EFHB: variants seen among roughly 807,000 people sequenced by gnomAD.
EFHB encodes EF-hand domain family member B, also known as EF-hand domain-containing family member B.
Under a neutral mutation model 87.2 loss-of-function variants are expected in EFHB, and 91 were observed. That is an observed-to-expected ratio of 1.04 (90% CI 0.88 to 1.24). The LOEUF is 1.24. Ranked by LOEUF, EFHB falls within the 50% of genes most tolerant of loss-of-function variation. The pLI is 0.00. For synonymous variants in EFHB, 325 were observed against 333.6 expected (o/e 0.97, Z 0.28); for missense variants, 1,084 against 998.8 (o/e 1.09, Z -1.15).
At chr3:19,942,556 T>A (rs1451595821) in intron 1 of EFHB, 2 of 152,294 alleles carry the variant, frequency 1.3e-5, no homozygotes, top group African/African-American at 4.8e-5. Context: ...CACATTACAT[T>A]TATTGTGCAC....
At chr3:19,930,753 C>A (rs1695800699) in intron 1 of EFHB, among the ~76,000 whole-genome samples, 1 of 152,144 alleles carries the variant, frequency 6.6e-6, no homozygotes, top group South Asian at 2.1e-4. Context: ...CAGGCACATA[C>A]TACCACACCT....
intron 12 of EFHB, among the ~76,000 whole-genome samples, chr3:19,881,951 C>A (rs1021477670): frequency 6.6e-6 from 1 of 151,620 alleles, no homozygotes; most frequent in East Asian, 1.9e-4. Context: ...GTTTTATAAC[C>A]CTAGCTTTAT....
intron 6 of EFHB, among the ~76,000 whole-genome samples, chr3:19,899,917 A>G (rs1407026241): frequency 6.6e-6 from 1 of 151,998 alleles, no homozygotes; most frequent in Non-Finnish European, 1.5e-5. Context: ...TTAAAAAAAT[A>G]CAAAAACTAG....
chr3:19,943,172 G>A, intron 1 of EFHB: 1 of 256,794 alleles, frequency 3.9e-6, no homozygotes, highest in South Asian at 5.5e-5. Flanking sequence ...CTGAGCAATT[G>A]TTCAGTATCA....
chr3:19,934,169 G>A lies in EFHB; in HGVS notation c.-151C>T, dbSNP rs1695941664. ...TCGGACTCCCTGTCCATTGCTTCCT[G>A]CCTGCCTCTTAACACCTAGCCGAGT... On this transcript the variant is annotated 5_prime_UTR_variant, in exon 1 of 13. Transcript: ENST00000295824. The A allele has an allele frequency of 6.9e-7, 1 of 1,442,776 alleles. No individual in the cohort carries two copies. Among genetic ancestry groups the A allele is most frequent in the Non-Finnish European group, 9.0e-7 (1 of 1,105,744 alleles). 89.4% of individuals were successfully genotyped at this position (1,442,776 alleles called of 1,614,324 possible).
chr3:19,933,466 C>CT lies in EFHB; in HGVS notation c.552dup (p.Glu185ArgfsTer3). The CT allele has an allele frequency of 1.2e-6, 2 of 1,614,016 alleles. No homozygotes were observed. Among genetic ancestry groups the CT allele is most frequent in the South Asian group, 2.2e-5 (2 of 91,084 alleles). Reference sequence around the variant, plus strand: ...TCCACCTCCACAGGAAGCTTAATCTCTGTGTTGGGTTTCATTAAAACACAG... The same window carrying CT: ...TCCACCTCCACAGGAAGCTTAATCTCTTGTGTTGGGTTTCATTAAAACACAG... On this transcript the variant is annotated frameshift_variant, in exon 1 of 13. Coordinates refer to ENST00000295824, the MANE Select transcript of EFHB (RefSeq NM_144715.4). LOFTEE classifies it high-confidence loss of function.
intron 1 of EFHB, 22 bp downstream of exon 1, chr3:19,933,208 T>C (rs2929350): frequency 0.63 from 1,006,098 of 1,597,452 alleles, 321,059 homozygotes; most frequent in African/African-American, 0.65. Flanking sequence ...TTAGTTCCTA[T>C]GGAAAGTGGA....
At chr3:19,909,105 G>A (rs1431211746) in intron 5 of EFHB, among the ~76,000 whole-genome samples, 1 of 144,832 alleles carries the variant, frequency 6.9e-6, no homozygotes. Context: ...CAAAAATCAG[G>A]TGGGCAACTC....
At chr3:19,886,243 C>T (rs553769470) in intron 10 of EFHB, among the ~76,000 whole-genome samples, 4 of 152,018 alleles carry the variant, frequency 2.6e-5, no homozygotes, top group African/African-American at 9.7e-5. Flanking sequence ...CTGATGCTTT[C>T]CTAGTGGATA....
In EFHB at chr3:19,896,824, G is replaced by A. The variant is rs964586944; in HGVS notation, c.1588C>T (p.His530Tyr). The A allele has an allele frequency of 1.2e-5, 19 of 1,612,870 alleles. No homozygotes were observed. The highest frequency in any genetic ancestry group is 1.6e-5 in the Non-Finnish European group (19 of 1,179,238). ...PEEYGVGDLI[H>Y]NRLPDEYLRG... ...AGATATTCATCCGGAAGTCTATTATGGATGAGATCACCAACTCCTATTGAA... is the reference window on the plus strand; with the variant it reads ...AGATATTCATCCGGAAGTCTATTATAGATGAGATCACCAACTCCTATTGAA... Residue 530 changes from histidine (H) to tyrosine (Y), a missense_variant, in exon 9 of 13, where the codon CAT (histidine) becomes TAT (tyrosine). Physicochemically the swap from His to Tyr is moderately conservative, Grantham distance 83 (BLOSUM62 2). Transcript: ENST00000295824.
intron 1 of EFHB, among the ~76,000 whole-genome samples, chr3:19,921,757 G>A (rs1296214989): frequency 6.6e-6 from 1 of 152,124 alleles, no homozygotes. Flanking sequence ...AGAAGATGGA[G>A]AAGAGATATA....
At chr3:19,905,868 A>T in intron 5 of EFHB, 119 bp from the exon 6 acceptor site, 1 of 1,268,568 alleles carries the variant, frequency 7.9e-7, no homozygotes, top group Non-Finnish European at 1.1e-6. Flanking sequence ...ATGAAATTGT[A>T]ACAGTGCAGA....
At chr3:19,908,642 AAG>A (rs1694949026) in intron 5 of EFHB, among the ~76,000 whole-genome samples, 2 of 149,414 alleles carry the variant, frequency 1.3e-5, no homozygotes, top group African/African-American at 2.5e-5. Context: ...GAAAGAAAGA[AAG>A]AAAGAAAGAA....
chr3:19,909,529 C>G (rs982986922), intron 5 of EFHB, among the ~76,000 whole-genome samples: 1 of 152,148 alleles, frequency 6.6e-6, no homozygotes, highest in Non-Finnish European at 1.5e-5. Flanking sequence ...AGAGCAGAAC[C>G]AGGCCCAGAG....
chr3:19,936,271 G>A (rs1281168637), upstream of EFHB: 32 of 703,942 alleles, frequency 4.5e-5, no homozygotes, highest in East Asian at 8.4e-4. Context: ...GATCACTTGA[G>A]CCCAGGAGGT....
intron 1 of EFHB, among the ~76,000 whole-genome samples, chr3:19,930,810 A>G (rs1369643598): frequency 4.6e-5 from 7 of 152,060 alleles, no homozygotes; most frequent in Non-Finnish European, 1.0e-4. Flanking sequence ...TATGTTGCCC[A>G]GGCTGATGAC....
At chr3:19,936,356 G>C (rs184788930), upstream of EFHB, 931 of 516,008 alleles carry the variant, frequency 1.8e-3, 7 homozygotes, top group African/African-American at 0.017. Context: ...AAAAGTCCAG[G>C]AGTTCAAGAC....
In EFHB at chr3:19,915,366, C is replaced by T. The variant is rs1042532993; in HGVS notation, c.1225G>A (p.Val409Ile). The change falls in exon 5 of 13, where the codon GTA (valine) becomes ATA (isoleucine). Residue 409 changes from valine to isoleucine, a missense_variant. By Grantham distance (29) the Val-to-Ile change is conservative. Transcript: ENST00000295824. Reference protein sequence around the residue: ...VVNPPKSYEEVFKEGNEGHDL... With the variant: ...VVNPPKSYEEIFKEGNEGHDL... ...TGTCCTTCATTTCCTTCTTTAAATACTTCTTCATAGGATTTTGGTGGATTC... is the reference window on the plus strand; with the variant it reads ...TGTCCTTCATTTCCTTCTTTAAATATTTCTTCATAGGATTTTGGTGGATTC... 6.2e-7 allele frequency: 1 copy of T among 1,613,120 alleles called. No homozygotes were observed. The highest frequency in any genetic ancestry group is 8.5e-7 in the Non-Finnish European group (1 of 1,179,418).
At chr3:19,892,889 T>TAAAATAAAATAAAATAAAATAAAATAAG (rs79080019) in intron 9 of EFHB, among the ~76,000 whole-genome samples, 41 of 147,908 alleles carry the variant, frequency 2.8e-4, no homozygotes, top group African/African-American at 9.9e-4. Context: ...AATAAAATAA[T>TAAAATAAAATAAAATAAAATAAAATAAG]ATAAAATCAG....
Sources: allele counts gnomAD v4.1 joint callset (sites outside exome capture counted in the v4.1 genomes callset), GRCh38; gene constraint gnomAD v4.1.1; transcripts MANE v1.5; gene names NCBI Gene and HGNC (gene_info 2026-07-23, HGNC 2026-07-21).